SBNO2: variants seen among roughly 807,000 people sequenced by gnomAD.
SBNO2 encodes protein strawberry notch homolog 2.
SBNO2 carries 89 observed loss-of-function variants against 146.3 expected under a neutral mutation model. The observed-to-expected ratio is 0.61, with a 90% CI of 0.51 to 0.73. The LOEUF (loss-of-function observed/expected upper bound fraction) is 0.73. Ranked by LOEUF, SBNO2 falls within the 30% of genes least tolerant of loss-of-function variation. The pLI is 0.00. For synonymous variants in SBNO2, 1,147 were observed against 892.6 expected, an observed-to-expected ratio of 1.29 and a Z score of -5.08; for missense variants, 2,092 against 2,003.7, an observed-to-expected ratio of 1.04 and a Z score of -0.84.
In SBNO2 at chr19:1,116,826, T is replaced by TA; in HGVS notation, c.1802+2dup. 1 of 1,585,000 alleles carries TA rather than the reference T, an allele frequency of 6.3e-7. No homozygotes were observed. The highest frequency in any genetic ancestry group is 8.6e-7 in the Non-Finnish European group (1 of 1,166,832). ...ACAGTCCTGTCCCCACCGTGACACT[T>TA]ACTCAGCGGCCGAGACGAAGCAGTT... is the stretch of plus-strand genomic sequence containing the variant. On this transcript the variant is annotated splice_region_variant and intron_variant, in intron 16 of 31. Coordinates refer to ENST00000361757, the MANE Select transcript of SBNO2 (RefSeq NM_014963.3).
At chr19:1,149,188 CAG>C (rs1450914431) in intron 3 of SBNO2, among the ~76,000 whole-genome samples, 179 bp downstream of exon 3, 3 of 149,964 alleles carry the variant, frequency 2.0e-5, no homozygotes, top group Non-Finnish European at 3.0e-5. Context: ...GTTCCACAAA[CAG>C]GGGTCTCAGC....
In SBNO2 at chr19:1,126,739, C is replaced by G. The variant is rs1322743404; in HGVS notation, c.441+865G>C. ...GTGCGGAGGCTGGCATGGGCCCTCA[C>G]CGGAAGGCGCTCAGTCCCAGAGACA... On this transcript the variant is annotated intron_variant, in intron 5 of 31. Transcript: ENST00000361757. The surrounding 1 kb of genome is among the most constrained non-coding windows in gnomAD (Gnocchi z 4.4). 6.6e-6 allele frequency among the ~76,000 whole-genome samples: 1 copy of G among 152,196 alleles called. No homozygotes were observed. The highest frequency in any genetic ancestry group is 1.9e-4 in the East Asian group (1 of 5,194).
Position 1,108,981 on chromosome 19 carries a change from A to ACGGGTCGTCTCGGCTCAGG in SBNO2, c.3426-31_3426-13dup. ...GGCAGTGCCGGTTCCTGCGGACGAGACGGGTCGTCTCGGCTCAGGCGGGTC... is the reference window on the plus strand; with the variant it reads ...GGCAGTGCCGGTTCCTGCGGACGAGACGGGTCGTCTCGGCTCAGGCGGGTCGTCTCGGCTCAGGCGGGTC... On this transcript the variant is annotated splice_polypyrimidine_tract_variant and intron_variant, in intron 30 of 31. Coordinates refer to ENST00000361757, the MANE Select transcript of SBNO2 (RefSeq NM_014963.3). 1 of 1,510,676 alleles carries ACGGGTCGTCTCGGCTCAGG rather than the reference A, an allele frequency of 6.6e-7. No individual in the cohort carries two copies. The highest frequency in any genetic ancestry group is 8.8e-7 in the Non-Finnish European group (1 of 1,133,822). 93.6% of individuals were successfully genotyped at this position (1,510,676 alleles called of 1,614,324 possible). A position where few individuals can be genotyped will look rare whatever the true frequency, so the allele number is the denominator to read the frequency against.
intron 4 of SBNO2, among the ~76,000 whole-genome samples, chr19:1,137,233 G>C: frequency 1.2e-5 from 1 of 80,424 alleles, no homozygotes; most frequent in Admixed American, 1.3e-4. Flanking sequence ...GGAGAGGCTC[G>C]GGCTGGGGTA....
chr19:1,123,050 A>G lies in SBNO2; in HGVS notation c.629-5T>C. 1.3e-6 allele frequency: 2 copies of G among 1,592,094 alleles called. No homozygotes were observed. Among genetic ancestry groups the G allele is most frequent in the Middle Eastern group, 1.7e-4 (1 of 5,972 alleles). On this transcript the variant is annotated splice_region_variant and splice_polypyrimidine_tract_variant and intron_variant, in intron 7 of 31. Transcript: ENST00000361757. ...GGTGCTGCTTCCCGATCTTGGCTGG[A>G]GGAGCAAGGACGGAGGGCAAGGTAA...
intron 4 of SBNO2, among the ~76,000 whole-genome samples, chr19:1,141,777 A>G (rs1054330763): frequency 1.3e-4 from 20 of 151,928 alleles, no homozygotes; most frequent in Non-Finnish European, 2.6e-4. Context: ...TTGCACCACC[A>G]TGCCCGACTA....
intron 1 of SBNO2, among the ~76,000 whole-genome samples, chr19:1,172,785 C>CG (rs933528435): frequency 3.2e-5 from 3 of 92,358 alleles, no homozygotes; most frequent in East Asian, 3.7e-4. Context: ...ACCGCCCCCC[C>CG]CGCCCCGGCA....
intron 1 of SBNO2, among the ~76,000 whole-genome samples, chr19:1,172,709 CG>C (rs2080489923): frequency 6.6e-6 from 1 of 150,682 alleles, no homozygotes; most frequent in African/African-American, 2.4e-5. Flanking sequence ...CCTGGGTCCT[CG>C]GCCCCTCCCA....
At chr19:1,165,215 G>A (rs1289128330) in intron 1 of SBNO2, among the ~76,000 whole-genome samples, 3 of 152,146 alleles carry the variant, frequency 2.0e-5, no homozygotes, top group African/African-American at 7.2e-5. Flanking sequence ...CACCAGGTCA[G>A]GGCTGCTCAG....
rs562574376 is a variant in SBNO2 at position 1,108,041 on chromosome 19, C to T, written c.*179G>A. 1.7e-4 allele frequency: 96 copies of T among 562,884 alleles called. 1 individual carries two copies. The South Asian group carries it at 2.3e-3, about 14-fold the overall frequency. 34.9% of individuals were successfully genotyped at this position (562,884 alleles called of 1,614,324 possible). ...TGCCACGCCCCGGCCCCCAGCTGTC[C>T]TGAGTGGGCCCCGCCAGGGCTGACC... is the stretch of plus-strand genomic sequence containing the variant. On this transcript the variant is annotated 3_prime_UTR_variant, in exon 32 of 32. Transcript: ENST00000361757.
chr19:1,149,882 G>A (rs1252118299), intron 2 of SBNO2, among the ~76,000 whole-genome samples: 1 of 152,184 alleles, frequency 6.6e-6, no homozygotes, highest in South Asian at 2.1e-4. Flanking sequence ...GGTGGGTGTC[G>A]GGGGCTCCTC....
At chr19:1,120,045 G>C (rs201417733) in intron 11 of SBNO2, 22 bp from the exon 12 acceptor site, 1 of 1,543,290 alleles carries the variant, frequency 6.5e-7, no homozygotes, top group African/African-American at 1.4e-5. Context: ...GTGGGTTAAG[G>C]AGTATTCTGA....
chr19:1,164,338 A>G (rs1395236249), intron 1 of SBNO2, among the ~76,000 whole-genome samples: 2 of 148,464 alleles, frequency 1.3e-5, no homozygotes, highest in Non-Finnish European at 3.0e-5. Flanking sequence ...GCACAGGAAC[A>G]GGTGCTAGGA....
intron 31 of SBNO2, 28 bp from the exon 32 acceptor site, chr19:1,108,732 C>T (rs1047423153): frequency 8.9e-6 from 14 of 1,578,746 alleles, no homozygotes; most frequent in African/African-American, 2.7e-5. Flanking sequence ...GGGTCAGGGC[C>T]GGCGCTGGGG....
In SBNO2 at chr19:1,124,042, T is replaced by A. The variant is rs2079936727; in HGVS notation, c.442-20A>T. The A allele has an allele frequency of 6.2e-7, 1 of 1,606,968 alleles. No individual in the cohort carries two copies. The highest frequency in any genetic ancestry group is 1.7e-5 in the Admixed American group (1 of 59,236). The stretch of plus-strand genomic sequence containing the variant: ...GAACAGCTGGAAGGGGAGCAGGATG[T>A]CAGCCCGGGCCAGACGGGACAGGTC... On this transcript the variant is annotated intron_variant, in intron 5 of 31. Transcript: ENST00000361757.
At chr19:1,147,626 C>A (rs888333957) in intron 3 of SBNO2, among the ~76,000 whole-genome samples, 3 of 152,028 alleles carry the variant, frequency 2.0e-5, no homozygotes, top group Admixed American at 1.3e-4. Context: ...CTCCCACCCC[C>A]ACTGGACACA....
At chr19:1,129,489 A>C (rs766056199) in intron 4 of SBNO2, among the ~76,000 whole-genome samples, 1 of 152,034 alleles carries the variant, frequency 6.6e-6, no homozygotes, top group Non-Finnish European at 1.5e-5. Flanking sequence ...GCCCAGAGCC[A>C]GGTAGGGTGC....
chr19:1,117,507 G>C lies in SBNO2; in HGVS notation c.1528-8C>G, dbSNP rs781469879. 3 of 1,570,900 alleles carry C rather than the reference G, an allele frequency of 1.9e-6. No individual in the cohort carries two copies. Among genetic ancestry groups the C allele is most frequent in the Non-Finnish European group, 2.6e-6 (3 of 1,159,976 alleles). ...GTTCAGGGCCTCGGCCCACTGCAAT[G>C]ACACGTCACAAGGCGCCCCTGAGCT... is the stretch of plus-strand genomic sequence containing the variant. On this transcript the variant is annotated splice_region_variant and splice_polypyrimidine_tract_variant and intron_variant, in intron 14 of 31. Transcript: ENST00000361757.
At chr19:1,111,724 C>A in intron 23 of SBNO2, 110 bp from the exon 24 acceptor site, 1 of 802,074 alleles carries the variant, frequency 1.2e-6, no homozygotes. Context: ...ACCCTGCCCT[C>A]CCCTAGACTC....
Sources: gnomAD v4.1 joint callset for allele counts (sites outside exome capture counted in the v4.1 genomes callset) on GRCh38, gnomAD v4.1.1 for gene constraint, Gnocchi (gnomAD v3.1) non-coding constraint, MANE v1.5 for transcripts, NCBI Gene and HGNC (gene_info 2026-07-23, HGNC 2026-07-21) for gene names.